The following VPS13B variants were observed in gnomAD, a reference collection of about 807,000 sequenced individuals.
VPS13B encodes the protein intermembrane lipid transfer protein VPS13B.
In VPS13B, 285 loss-of-function variants were observed where a neutral mutation model predicts 426.4. The observed-to-expected ratio is 0.67, with a 90% CI of 0.61 to 0.74. VPS13B has a LOEUF of 0.74. Among genes scored for constraint, VPS13B ranks in the 30% least tolerant of loss-of-function variants. The pLI, the probability that VPS13B is intolerant of heterozygous loss-of-function variation, is 0.00. For missense variants in VPS13B, 4,537 were observed against 4,782.6 expected, an observed-to-expected ratio of 0.95 and a Z score of 1.51; for synonymous variants, 1,676 against 1,676.4, an observed-to-expected ratio of 1.00 and a Z score of 0.01.
chr8:99,842,277 A>G (rs2130884428), intron 54 of VPS13B, among the ~76,000 whole-genome samples: 1 of 152,302 alleles, frequency 6.6e-6, no homozygotes, highest in African/African-American at 2.4e-5. Flanking sequence ...ACTTGCAGCA[A>G]AAGATGAGTG....
chr8:99,406,778 C>T (rs765509506), intron 21 of VPS13B, among the ~76,000 whole-genome samples: 3 of 151,920 alleles, frequency 2.0e-5, no homozygotes, highest in Non-Finnish European at 1.5e-5. Flanking sequence ...AGAAAAGTAA[C>T]GTACAAATAG....
intron 33 of VPS13B, among the ~76,000 whole-genome samples, chr8:99,582,890 G>C (rs1040269045): frequency 2.6e-5 from 4 of 152,088 alleles, no homozygotes; most frequent in Non-Finnish European, 4.4e-5. Flanking sequence ...CTCCTGACCT[G>C]GTGATCCGCC....
intron 35 of VPS13B, among the ~76,000 whole-genome samples, chr8:99,698,319 G>A (rs1449122776): frequency 2.6e-5 from 4 of 152,176 alleles, no homozygotes. Context: ...CCCCTTGTGT[G>A]TGTCCTCCCA....
At chr8:99,029,557 C>T (rs1055608095) in intron 2 of VPS13B, among the ~76,000 whole-genome samples, 10 of 151,676 alleles carry the variant, frequency 6.6e-5, no homozygotes, top group South Asian at 6.3e-4. Flanking sequence ...GGATCACTCG[C>T]GGTTAGGAGC....
At chr8:99,344,213 A>G (rs1811408565) in intron 19 of VPS13B, among the ~76,000 whole-genome samples, 1 of 152,212 alleles carries the variant, frequency 6.6e-6, no homozygotes, top group African/African-American at 2.4e-5. Flanking sequence ...TGAGGAAAGG[A>G]TAGTCTCTTC....
In VPS13B at chr8:99,049,001, A is replaced by G. The variant is rs1358584572; in HGVS notation, c.291+10435A>G. On this transcript the variant is annotated intron_variant, in intron 3 of 61. Coordinates refer to ENST00000357162, the MANE Select transcript of VPS13B (RefSeq NM_152564.5). ...AGATACTGCCTTTTGCTTTTGGTGT[A>G]CATTTGCATAGAATGTCTTTCCACC... Among the ~76,000 whole-genome samples, 4 of 152,256 alleles carry G rather than the reference A, an allele frequency of 2.6e-5. No homozygotes were observed. In the East Asian group the frequency reaches 7.7e-4, roughly 29 times the overall value.
chr8:99,698,966 G>A (rs979027766), intron 35 of VPS13B, among the ~76,000 whole-genome samples: 2 of 152,080 alleles, frequency 1.3e-5, no homozygotes, highest in Non-Finnish European at 2.9e-5. Context: ...TATCAATGCA[G>A]AGTGTAGGGA....
rs184091040 is a variant in VPS13B, at chr8:99,181,087, C to T, written c.2333+10924C>T. 1.9e-4 allele frequency among the ~76,000 whole-genome samples: 29 copies of T among 151,840 alleles called. 1 individual carries two copies. Among genetic ancestry groups the T allele is most frequent in the African/African-American group, 5.8e-4 (24 of 41,434 alleles). On this transcript the variant is annotated intron_variant, in intron 16 of 61. Coordinates refer to ENST00000357162, the MANE Select transcript of VPS13B (RefSeq NM_152564.5). ...GAGTTTGTCCTTAGATATAATTAAGCGAATGACCAATAATTAGTTATGATA... is the reference window on the plus strand; with the variant it reads ...GAGTTTGTCCTTAGATATAATTAAGTGAATGACCAATAATTAGTTATGATA...
At chr8:99,401,078 A>C (rs1474010011) in intron 21 of VPS13B, among the ~76,000 whole-genome samples, 1 of 152,194 alleles carries the variant, frequency 6.6e-6, no homozygotes, top group Non-Finnish European at 1.5e-5. Context: ...TGGCTGACAT[A>C]ATTGGAAAGC....
At chr8:99,084,200 G>A (rs556286474) in intron 3 of VPS13B, among the ~76,000 whole-genome samples, 3 of 152,186 alleles carry the variant, frequency 2.0e-5, no homozygotes, top group Admixed American at 6.5e-5. Flanking sequence ...GTGTGTCGAG[G>A]AATTTATCCA....
intron 36 of VPS13B, among the ~76,000 whole-genome samples, chr8:99,706,402 A>C (rs1326754437): frequency 6.6e-6 from 1 of 152,134 alleles, no homozygotes; most frequent in African/African-American, 2.4e-5. Flanking sequence ...CACAGCCCAC[A>C]TGTGTCCACA....
chr8:99,234,695 T>C (rs1816545543), intron 17 of VPS13B, among the ~76,000 whole-genome samples: 1 of 152,246 alleles, frequency 6.6e-6, no homozygotes, highest in South Asian at 2.1e-4. Context: ...AAATAAGACA[T>C]TAATGGAGGT....
chr8:99,209,310 C>T (rs959678873), intron 17 of VPS13B, among the ~76,000 whole-genome samples: 3 of 151,060 alleles, frequency 2.0e-5, no homozygotes, highest in African/African-American at 7.3e-5. Context: ...AAAACAAAAC[C>T]GAAATAATGC....
chr8:99,205,410 G>A (rs1328157394), intron 17 of VPS13B, among the ~76,000 whole-genome samples: 2 of 152,106 alleles, frequency 1.3e-5, no homozygotes, highest in Non-Finnish European at 2.9e-5. Context: ...TGTAGATGAC[G>A]GGTTGATGGG....
chr8:99,203,724 C>G (rs752995394), intron 17 of VPS13B, among the ~76,000 whole-genome samples: 4 of 152,120 alleles, frequency 2.6e-5, no homozygotes, highest in Non-Finnish European at 5.9e-5. Context: ...CAATAATAGA[C>G]AAACAGCCAA....
At chr8:99,588,379 A>G (rs1326179029) in intron 33 of VPS13B, among the ~76,000 whole-genome samples, 1 of 151,654 alleles carries the variant, frequency 6.6e-6, no homozygotes, top group East Asian at 1.9e-4. Context: ...CTTGATGGGG[A>G]TGTCATTGAA....
chr8:99,648,453 G>A (rs527284986), intron 34 of VPS13B, among the ~76,000 whole-genome samples: 1 of 152,198 alleles, frequency 6.6e-6, no homozygotes, highest in African/African-American at 2.4e-5. Flanking sequence ...TTTTTTATTA[G>A]TTGTATATTC....
intron 51 of VPS13B, among the ~76,000 whole-genome samples, chr8:99,827,818 T>A (rs1197801561): frequency 6.6e-6 from 1 of 152,226 alleles, no homozygotes; most frequent in Non-Finnish European, 1.5e-5. Context: ...ACTTATTTAT[T>A]TCTGCCTTAA....
At chr8:99,690,230 A>C (rs1037349896) in intron 35 of VPS13B, among the ~76,000 whole-genome samples, 1 of 152,222 alleles carries the variant, frequency 6.6e-6, no homozygotes, top group African/African-American at 2.4e-5. Flanking sequence ...AATGTTGCTG[A>C]CATAACTAGA....
Sources: allele counts gnomAD v4.1 joint callset (sites outside exome capture counted in the v4.1 genomes callset), GRCh38; gene constraint gnomAD v4.1.1; transcripts MANE v1.5; gene names NCBI Gene and HGNC (gene_info 2026-07-23, HGNC 2026-07-21).